The following ATP5MG variants were observed in gnomAD, a reference collection of about 807,000 sequenced individuals.
ATP5MG encodes the protein ATP synthase membrane subunit g, also known as ATP synthase F(0) complex subunit g, mitochondrial.
A neutral mutation model predicts 12.7 loss-of-function variants in ATP5MG; 7 were observed. The observed-to-expected ratio is 0.55, with a 90% CI of 0.31 to 1.04. The LOEUF (loss-of-function observed/expected upper bound fraction) is 1.04. Among genes scored for constraint, ATP5MG ranks in the 50% least tolerant of loss-of-function variants. ATP5MG has a pLI of 0.05. For synonymous variants in ATP5MG, 53 were observed against 48.2 expected (o/e 1.10, Z -0.41); for missense variants, 116 against 126.7 (o/e 0.92, Z 0.41).
At chr11:118,405,980 G>A (rs1555132031) in intron 1 of ATP5MG, 4 of 152,178 alleles carry the variant, frequency 2.6e-5, no homozygotes, top group Non-Finnish European at 4.4e-5. Flanking sequence ...CTTGTGCCTC[G>A]GCCTCCCGAG....
At chr11:118,406,769 T>C (rs1424026328) in intron 1 of ATP5MG, 168 bp from the exon 2 acceptor site, 14 of 996,458 alleles carry the variant, frequency 1.4e-5, no homozygotes, top group Non-Finnish European at 2.0e-5. Flanking sequence ...TAAAAGCCTC[T>C]TGTTACCAGG....
intron 1 of ATP5MG, 98 bp downstream of exon 1, chr11:118,401,815 C>T: frequency 3.5e-6 from 5 of 1,433,598 alleles, no homozygotes; most frequent in Non-Finnish European, 4.7e-6. Flanking sequence ...CCCGAGGGGC[C>T]TGCGGGTGCC....
At chr11:118,405,539 G>T (rs1428225115) in intron 1 of ATP5MG, 2 of 548,408 alleles carry the variant, frequency 3.6e-6, no homozygotes, top group African/African-American at 4.1e-5. Flanking sequence ...TATTGTTTAT[G>T]TACAGTATAC....
At chr11:118,401,991 C>G in intron 1 of ATP5MG, 2 of 435,712 alleles carry the variant, frequency 4.6e-6, no homozygotes, top group Non-Finnish European at 8.2e-6. Context: ...CCGGCGTTGC[C>G]CGGCAGCTGC....
chr11:118,404,956 C>T (rs782089409), intron 1 of ATP5MG, among the ~76,000 whole-genome samples: 1 of 152,182 alleles, frequency 6.6e-6, no homozygotes, highest in Admixed American at 6.5e-5. Flanking sequence ...ATTATTTCAG[C>T]CTTGGCTATT....
chr11:118,404,356 A>G (rs1307834014), intron 1 of ATP5MG, among the ~76,000 whole-genome samples: 2 of 152,102 alleles, frequency 1.3e-5, no homozygotes, highest in African/African-American at 4.8e-5. Flanking sequence ...CCGGGATCCA[A>G]TCCAGTGTAC....
Position 118,409,318 on chromosome 11 carries a change from T to C in ATP5MG, c.*220T>C, listed in dbSNP as rs1948998296. 4.0e-6 allele frequency: 1 copy of C among 248,212 alleles called. No individual in the cohort carries two copies. The highest frequency in any genetic ancestry group is 2.3e-5 in the African/African-American group (1 of 44,190). 15.4% of individuals were successfully genotyped at this position (248,212 alleles called of 1,614,324 possible). ...GTTTAGCCCGCAATTGGAAAGGATA[T>C]ATGTGGCAATATTAACCTGGTACAT... On this transcript the variant is annotated 3_prime_UTR_variant, in exon 3 of 3. Transcript: ENST00000300688.
chr11:118,405,468 C>T (rs1284899579), intron 1 of ATP5MG, among the ~76,000 whole-genome samples: 2 of 152,090 alleles, frequency 1.3e-5, no homozygotes, highest in African/African-American at 2.4e-5. Flanking sequence ...CTCTTGTATA[C>T]ATGTAAAGCA....
At chr11:118,408,921 A>T in intron 2 of ATP5MG, 79 bp from the exon 3 acceptor site, 1 of 422,412 alleles carries the variant, frequency 2.4e-6, no homozygotes, top group South Asian at 6.3e-5. Context: ...CTGGAAAAGA[A>T]TAGTTTCAAA....
In ATP5MG at chr11:118,406,984, G is replaced by T; in HGVS notation, c.100G>T (p.Ala34Ser). 1 of 1,613,468 alleles carries T rather than the reference G, an allele frequency of 6.2e-7. No individual in the cohort carries two copies. Among genetic ancestry groups the T allele is most frequent in the Non-Finnish European group, 8.5e-7 (1 of 1,179,724 alleles). Residue 34 changes from alanine to serine, a missense_variant, in exon 2 of 3, where the codon GCC becomes TCC. Coordinates refer to ENST00000300688, the MANE Select transcript of ATP5MG (RefSeq NM_006476.5). ...TCGATTGGCCACATTTTGGTACTAC[G>T]CCAAGGTTGAGCTGGTTCCTCCCAC... ...KPRLATFWYY[A>S]KVELVPPTPA...
At chr11:118,408,969 G>T (rs781963224) in intron 2 of ATP5MG, 31 bp from the exon 3 acceptor site, 10 of 963,296 alleles carry the variant, frequency 1.0e-5, no homozygotes, top group South Asian at 9.6e-5. Context: ...ATATATAAAA[G>T]GTACCTTAAA....
chr11:118,403,493 C>G (rs550007233), intron 1 of ATP5MG, among the ~76,000 whole-genome samples: 2 of 135,696 alleles, frequency 1.5e-5, no homozygotes, highest in Non-Finnish European at 3.1e-5. Context: ...GAGGCTAGGT[C>G]TCAAAAAAAA....
chr11:118,406,740 C>T (rs1321750798), intron 1 of ATP5MG, 197 bp from the exon 2 acceptor site: 2 of 711,604 alleles, frequency 2.8e-6, no homozygotes, highest in Non-Finnish European at 2.2e-6. Flanking sequence ...ATCCCTGTGG[C>T]ACAGGTGTTC....
intron 1 of ATP5MG, among the ~76,000 whole-genome samples, chr11:118,402,244 A>T (rs568403019): frequency 1.3e-5 from 2 of 152,196 alleles, no homozygotes; most frequent in South Asian, 4.1e-4. Context: ...CTTTAATCCG[A>T]GGGAAATTTT....
chr11:118,407,819 C>G (rs781935870), intron 2 of ATP5MG, among the ~76,000 whole-genome samples: 6 of 152,018 alleles, frequency 3.9e-5, no homozygotes, highest in Admixed American at 6.6e-5. Context: ...AGGCAGTGAG[C>G]TCTGATTGTG....
rs180792561 is a variant in ATP5MG at position 118,401,643 on chromosome 11, G to C, written c.-23G>C. ...TGACATTCAGCCGGCGGTTCGGGGCGACGGACTCTCCATTCCAGAACCATG... is the reference window on the plus strand; with the variant it reads ...TGACATTCAGCCGGCGGTTCGGGGCCACGGACTCTCCATTCCAGAACCATG... On this transcript the variant is annotated 5_prime_UTR_variant, in exon 1 of 3. Transcript: ENST00000300688. 3.7e-6 allele frequency: 6 copies of C among 1,614,056 alleles called. No homozygotes were observed. In the East Asian group the frequency reaches 1.3e-4, roughly 36 times the overall value.
Position 118,407,099 on chromosome 11 carries a change from T to G in ATP5MG, c.213+2T>G. Reference sequence around the variant, plus strand: ...AGCTTCAAACAGCTCACAGTTAAGGTAACCACGGGCTAAATGAAAACGGAT... The same window carrying G: ...AGCTTCAAACAGCTCACAGTTAAGGGAACCACGGGCTAAATGAAAACGGAT... On this transcript the variant is annotated splice_donor_variant, in intron 2 of 2. Coordinates refer to ENST00000300688, the MANE Select transcript of ATP5MG (RefSeq NM_006476.5). LOFTEE classifies it high-confidence loss of function. 1.2e-6 allele frequency: 2 copies of G among 1,613,984 alleles called. No homozygotes were observed. The highest frequency in any genetic ancestry group is 2.2e-5 in the South Asian group (2 of 91,082).
At chr11:118,406,884 G>T (rs1026949162) in intron 1 of ATP5MG, 53 bp from the exon 2 acceptor site, 13 of 1,543,370 alleles carry the variant, frequency 8.4e-6, no homozygotes, top group Non-Finnish European at 9.6e-6. Flanking sequence ...TGCTTCTTTC[G>T]GTCTCTAGTG....
At chr11:118,407,746 C>A (rs1229190221) in intron 2 of ATP5MG, among the ~76,000 whole-genome samples, 1 of 152,078 alleles carries the variant, frequency 6.6e-6, no homozygotes, top group Non-Finnish European at 1.5e-5. Flanking sequence ...GTGGCATGTA[C>A]CTGTAGTCCC....
Sources: gnomAD v4.1 joint callset for allele counts (sites outside exome capture counted in the v4.1 genomes callset) on GRCh38, gnomAD v4.1.1 for gene constraint, MANE v1.5 for transcripts, NCBI Gene and HGNC (gene_info 2026-07-23, HGNC 2026-07-21) for gene names.